The following MGLL variants were observed in gnomAD, a reference collection of about 807,000 sequenced individuals.
MGLL encodes lysophospholipase homolog.
MGLL carries 7 observed loss-of-function variants against 29.1 expected under a neutral mutation model. The observed-to-expected ratio is 0.24, with a 90% CI of 0.14 to 0.45. The LOEUF (loss-of-function observed/expected upper bound fraction) is 0.45. Ranked by LOEUF, MGLL falls within the 20% of genes least tolerant of loss-of-function variation. The probability of loss-of-function intolerance (pLI) is 0.99; values close to 1 mark genes in which losing one functional copy is unlikely to be tolerated. For missense variants in MGLL, 356 were observed against 413.6 expected, an observed-to-expected ratio of 0.86 and a Z score of 1.21; for synonymous variants, 148 against 168.3, an observed-to-expected ratio of 0.88 and a Z score of 0.93.
intron 2 of MGLL, among the ~76,000 whole-genome samples, chr3:127,794,989 A>G (rs951591537): frequency 6.6e-6 from 1 of 152,272 alleles, no homozygotes; most frequent in Non-Finnish European, 1.5e-5. Context: ...AACTGCAAAC[A>G]GAACTGCCAC....
chr3:127,771,387 C>T (rs1232927282), intron 3 of MGLL, among the ~76,000 whole-genome samples: 7 of 152,168 alleles, frequency 4.6e-5, no homozygotes, highest in South Asian at 2.1e-4. Flanking sequence ...CTCGCTCTGT[C>T]GCCCAGGTTG....
intron 2 of MGLL, among the ~76,000 whole-genome samples, chr3:127,808,150 C>T (rs979708329): frequency 4.6e-5 from 7 of 152,090 alleles, no homozygotes; most frequent in African/African-American, 1.7e-4. Flanking sequence ...CCCAATGTGA[C>T]CATTTCCAGA....
At position 127,770,645 on chromosome 3, in the gene MGLL, C is replaced by T. The variant is rs151237026; in HGVS notation, c.262+11144G>A. ...AGGTGCAGCTGCATAGAGGGAGTCC[C>T]GTAAATGAACAGTGAATATCTAAGA... On this transcript the variant is annotated intron_variant, in intron 3 of 7. Transcript: ENST00000265052. 2.4e-4 allele frequency among the ~76,000 whole-genome samples: 36 copies of T among 152,224 alleles called. No homozygotes were observed. In the South Asian group the frequency reaches 5.6e-3, roughly 24 times the overall value.
At chr3:127,809,213 A>G (rs993025278) in intron 2 of MGLL, among the ~76,000 whole-genome samples, 9 of 152,262 alleles carry the variant, frequency 5.9e-5, no homozygotes, top group Middle Eastern at 3.4e-3. Flanking sequence ...ACCTTTTATC[A>G]TGGAGCTAAT....
chr3:127,821,745 G>T lies in MGLL; in HGVS notation c.104C>A (p.Ala35Glu), dbSNP rs1327686087. The T allele has an allele frequency of 3.7e-6, 6 of 1,614,178 alleles. No individual in the cohort carries two copies. The highest frequency in any genetic ancestry group is 5.1e-6 in the Non-Finnish European group (6 of 1,180,024). Residue 35 changes from alanine to glutamate, a missense_variant, in exon 2 of 8, where the codon GCA becomes GAA. Physicochemically the swap from Ala to Glu is moderately radical, Grantham distance 107. Transcript: ENST00000265052. ...CCTGCAGAAGAGGTACTGTCCGTCT[G>T]CATTGACCAGGTGAGGGAGGTCCTG... Reference protein sequence around the residue: ...PYQDLPHLVNADGQYLFCRYW... With the variant: ...PYQDLPHLVNEDGQYLFCRYW...
At chr3:127,806,123 C>T (rs2077560544) in intron 2 of MGLL, among the ~76,000 whole-genome samples, 1 of 152,206 alleles carries the variant, frequency 6.6e-6, no homozygotes, top group Admixed American at 6.5e-5. Flanking sequence ...CCAGGTGGGG[C>T]ATGAGCATGG....
At chr3:127,760,432 A>G (rs1464656382) in intron 3 of MGLL, among the ~76,000 whole-genome samples, 1 of 152,218 alleles carries the variant, frequency 6.6e-6, no homozygotes, top group African/African-American at 2.4e-5. Context: ...ATGAAGGTGA[A>G]AGGACCTTGT....
chr3:127,816,760 G>A (rs1182421804), intron 2 of MGLL, among the ~76,000 whole-genome samples: 3 of 152,206 alleles, frequency 2.0e-5, no homozygotes, highest in African/African-American at 7.2e-5. Context: ...TAGAACGGGA[G>A]GGCTGTGATG....
rs752648242 is a variant in MGLL, at chr3:127,752,789, C to T, written c.262+29000G>A. Among the ~76,000 whole-genome samples the T allele has an allele frequency of 1.3e-4, 20 of 152,134 alleles. 1 individual carries two copies. The highest frequency in any genetic ancestry group is 4.2e-4 in the South Asian group (2 of 4,816). ...AGCTTCCCCAGCCCTGGGTCTTTCA[C>T]CTCCCACCGCTCTCAGGCTGCCTCC... On this transcript the variant is annotated intron_variant, in intron 3 of 7. Transcript: ENST00000265052.
chr3:127,695,495 C>A (rs148389392), intron 6 of MGLL, among the ~76,000 whole-genome samples: 1 of 152,328 alleles, frequency 6.6e-6, no homozygotes, highest in South Asian at 2.1e-4. Context: ...GAAGCTGAGG[C>A]GGGCGGATCA....
chr3:127,718,159 G>T (rs553740949), intron 5 of MGLL, among the ~76,000 whole-genome samples: 1 of 151,990 alleles, frequency 6.6e-6, no homozygotes, highest in African/African-American at 2.4e-5. Flanking sequence ...CATTGCAGGG[G>T]GTGGGGGCTG....
rs542386181 is a variant in MGLL, at chr3:127,744,834, C to T, written c.263-22268G>A. 5.9e-5 allele frequency among the ~76,000 whole-genome samples: 9 copies of T among 152,260 alleles called. No individual in the cohort carries two copies. In the South Asian group the frequency reaches 8.3e-4, roughly 14 times the overall value. ...AAATGAAGAGAAATGTCAAAGGAGT[C>T]GGAAACAATATGTCAAATTAGGTAA... On this transcript the variant is annotated intron_variant, in intron 3 of 7. Coordinates refer to ENST00000265052, the MANE Select transcript of MGLL (RefSeq NM_007283.7).
At chr3:127,784,808 T>C (rs1000250751) in intron 2 of MGLL, among the ~76,000 whole-genome samples, 5 of 152,114 alleles carry the variant, frequency 3.3e-5, no homozygotes, top group African/African-American at 4.8e-5. Flanking sequence ...GCTGCCACAT[T>C]TACATGTTCC....
intron 2 of MGLL, among the ~76,000 whole-genome samples, chr3:127,789,603 T>G (rs2077268223): frequency 1.3e-5 from 2 of 151,718 alleles, no homozygotes; most frequent in South Asian, 4.2e-4. Flanking sequence ...AAGGCTGAGG[T>G]GGGAGGATCA....
intron 3 of MGLL, among the ~76,000 whole-genome samples, chr3:127,742,683 C>A (rs2076366706): frequency 6.8e-6 from 1 of 146,508 alleles, no homozygotes; most frequent in African/African-American, 2.5e-5. Context: ...CGCTTCTTTT[C>A]TTAAGGCAAC....
chr3:127,773,300 C>T (rs2076978974), intron 3 of MGLL, among the ~76,000 whole-genome samples: 1 of 152,274 alleles, frequency 6.6e-6, no homozygotes, highest in Admixed American at 6.5e-5. Flanking sequence ...TGAGTCTAGG[C>T]TCTGCCACGT....
At chr3:127,803,071 C>T (rs2077506350) in intron 2 of MGLL, among the ~76,000 whole-genome samples, 1 of 152,156 alleles carries the variant, frequency 6.6e-6, no homozygotes, top group Non-Finnish European at 1.5e-5. Flanking sequence ...CCTCCGCCTC[C>T]TGGGTTCAAG....
chr3:127,795,837 G>A (rs371621221), intron 2 of MGLL, among the ~76,000 whole-genome samples: 11 of 152,064 alleles, frequency 7.2e-5, no homozygotes, highest in African/African-American at 2.7e-4. Flanking sequence ...ATATAGATGA[G>A]CATGAAGGAA....
chr3:127,821,569 A>T, intron 2 of MGLL, 125 bp downstream of exon 2: 1 of 1,045,676 alleles, frequency 9.6e-7, no homozygotes. Context: ...CCTAACATTA[A>T]AACGGCAGGG....
Sources: gnomAD v4.1 joint callset for allele counts (sites outside exome capture counted in the v4.1 genomes callset) on GRCh38, gnomAD v4.1.1 for gene constraint, MANE v1.5 for transcripts, NCBI Gene and HGNC (gene_info 2026-07-23, HGNC 2026-07-21) for gene names.